MYO1D: variants seen among roughly 807,000 people sequenced by gnomAD.
The protein encoded by MYO1D is myosin ID, also known as unconventional myosin-Id.
Under a neutral mutation model 122.0 loss-of-function variants are expected in MYO1D, and 83 were observed. The ratio of observed to expected loss-of-function variants is 0.68; its 90% confidence interval spans 0.57 to 0.82. The LOEUF is 0.82. Among genes scored for constraint, MYO1D ranks in the 40% least tolerant of loss-of-function variants. MYO1D has a pLI of 0.00. For synonymous variants in MYO1D, 464 were observed against 446.9 expected, an observed-to-expected ratio of 1.04 and a Z score of -0.48; for missense variants, 1,157 against 1,269.5, an observed-to-expected ratio of 0.91 and a Z score of 1.35.
intron 21 of MYO1D, chr17:32,594,657 T>C: frequency 2.0e-6 from 1 of 503,988 alleles, no homozygotes; most frequent in African/African-American, 1.9e-5. Flanking sequence ...ACTGTTAATA[T>C]CTTCCTTTAT....
chr17:32,821,036 AC>A (rs2090656816), intron 1 of MYO1D, among the ~76,000 whole-genome samples: 1 of 151,886 alleles, frequency 6.6e-6, no homozygotes, highest in Non-Finnish European at 1.5e-5. Flanking sequence ...CTCACCTTCC[AC>A]CCGCTGATAG....
At chr17:32,609,723 G>A (rs2087675537) in intron 20 of MYO1D, among the ~76,000 whole-genome samples, 1 of 152,160 alleles carries the variant, frequency 6.6e-6, no homozygotes, top group South Asian at 2.1e-4. Flanking sequence ...ATTTTCATAG[G>A]AGGTGAGTTC....
At chr17:32,650,318 C>T (rs1306337935) in intron 19 of MYO1D, among the ~76,000 whole-genome samples, 1 of 152,094 alleles carries the variant, frequency 6.6e-6, no homozygotes, top group Non-Finnish European at 1.5e-5. Context: ...TCCTTCGTGT[C>T]TTTTTTCTCT....
chr17:32,783,901 CT>C (rs2090265823), intron 1 of MYO1D, among the ~76,000 whole-genome samples: 1 of 152,194 alleles, frequency 6.6e-6, no homozygotes, highest in Non-Finnish European at 1.5e-5. Flanking sequence ...CCTATGACTT[CT>C]GTGTGCAAAC....
chr17:32,581,485 T>C (rs145187879), intron 21 of MYO1D, among the ~76,000 whole-genome samples: 6 of 151,924 alleles, frequency 3.9e-5, no homozygotes, highest in East Asian at 1.9e-4. Flanking sequence ...CTTCCTTCCT[T>C]CCTCCCTCCC....
At chr17:32,700,129 G>C (rs1169343894) in intron 16 of MYO1D, among the ~76,000 whole-genome samples, 2 of 152,108 alleles carry the variant, frequency 1.3e-5, no homozygotes, top group African/African-American at 4.8e-5. Context: ...AATATATCAG[G>C]TCCTACAGAT....
chr17:32,569,437 C>T (rs225212), intron 21 of MYO1D, among the ~76,000 whole-genome samples: 66,314 of 152,036 alleles, frequency 0.44, 14,692 homozygotes, highest in East Asian at 0.53. Context: ...ACCAATTCTG[C>T]AATAGTATCT....
chr17:32,622,299 A>T (rs1294715988), intron 20 of MYO1D, among the ~76,000 whole-genome samples: 1 of 151,900 alleles, frequency 6.6e-6, no homozygotes, highest in Admixed American at 6.6e-5. Flanking sequence ...CAGCATCTTA[A>T]CTGCTTTTCC....
rs149928523 is a variant in MYO1D at position 32,575,047 on chromosome 17, A to G, written c.2864+30040T>C. Among the ~76,000 whole-genome samples, 744 of 152,338 alleles carry G rather than the reference A, an allele frequency of 4.9e-3. 6 individuals carry two copies. Among genetic ancestry groups the G allele is most frequent in the African/African-American group, 0.016 (679 of 41,570 alleles). On this transcript the variant is annotated intron_variant, in intron 21 of 21. Coordinates refer to ENST00000318217, the MANE Select transcript of MYO1D (RefSeq NM_015194.3). Reference sequence around the variant, plus strand: ...ATAATCGTGGGAGCTGATGGGAAGTATCGGAAGTATTATTGTTATTAATAA... The same window carrying G: ...ATAATCGTGGGAGCTGATGGGAAGTGTCGGAAGTATTATTGTTATTAATAA...
rs3079901 is a variant in MYO1D at position 32,688,920 on chromosome 17, AGTGTGT to A, written c.2121+23062_2121+23067del. 2.3e-3 allele frequency among the ~76,000 whole-genome samples: 337 copies of A among 146,558 alleles called. 5 individuals carry two copies. Among genetic ancestry groups the A allele is most frequent in the African/African-American group, 6.4e-3 (260 of 40,404 alleles). ...TGCATATGGTCTCTTTGATTTTTGA[AGTGTGT>A]GTGTGTGTGTGTGTGTGTGTGTATG... On this transcript the variant is annotated intron_variant, in intron 16 of 21. Coordinates refer to ENST00000318217, the MANE Select transcript of MYO1D (RefSeq NM_015194.3).
chr17:32,574,700 C>T (rs2087262692), intron 21 of MYO1D, among the ~76,000 whole-genome samples: 2 of 152,136 alleles, frequency 1.3e-5, no homozygotes, highest in Admixed American at 6.6e-5. Context: ...GCTCACTATA[C>T]AGATTGAGAA....
chr17:32,823,594 G>A (rs1402117171), intron 1 of MYO1D, among the ~76,000 whole-genome samples: 1 of 152,084 alleles, frequency 6.6e-6, no homozygotes, highest in African/African-American at 2.4e-5. Context: ...ATACACCTAG[G>A]AAAACTGATA....
chr17:32,634,448 G>A (rs963056540), intron 20 of MYO1D, among the ~76,000 whole-genome samples: 1 of 152,210 alleles, frequency 6.6e-6, no homozygotes, highest in African/African-American at 2.4e-5. Context: ...CATGGGAGAT[G>A]GCTGGTGTGC....
At chr17:32,565,922 G>A (rs1229055906) in intron 21 of MYO1D, among the ~76,000 whole-genome samples, 1 of 151,898 alleles carries the variant, frequency 6.6e-6, no homozygotes, top group Non-Finnish European at 1.5e-5. Flanking sequence ...ACAGGGTTTC[G>A]CCATGTTGGC....
chr17:32,765,162 T>C, intron 7 of MYO1D, 81 bp from the exon 8 acceptor site: 1 of 1,150,328 alleles, frequency 8.7e-7, no homozygotes, highest in Non-Finnish European at 1.3e-6. Flanking sequence ...ACAATTCAGG[T>C]GACCTTGTTT....
intron 11 of MYO1D, 134 bp downstream of exon 11, chr17:32,755,358 A>T: frequency 1.1e-6 from 1 of 923,706 alleles, no homozygotes; most frequent in Non-Finnish European, 1.6e-6. Flanking sequence ...CAAATCATTT[A>T]ATGAATGTTT....
intron 21 of MYO1D, among the ~76,000 whole-genome samples, chr17:32,590,103 A>G (rs1489454981): frequency 6.6e-6 from 1 of 152,146 alleles, no homozygotes; most frequent in Non-Finnish European, 1.5e-5. Context: ...TTATATTTTT[A>G]TACTTACTTC....
intron 16 of MYO1D, among the ~76,000 whole-genome samples, chr17:32,659,871 C>CAG (rs2150953919): frequency 6.6e-6 from 1 of 152,290 alleles, no homozygotes; most frequent in East Asian, 1.9e-4. Context: ...AAGGGTAAAT[C>CAG]AGATTACGTA....
At chr17:32,812,813 T>C (rs1409777198) in intron 1 of MYO1D, among the ~76,000 whole-genome samples, 1 of 152,196 alleles carries the variant, frequency 6.6e-6, no homozygotes, top group Non-Finnish European at 1.5e-5. Flanking sequence ...CTAAGTCACT[T>C]ACAAATAGGA....
Sources: gnomAD v4.1 joint callset for allele counts (sites outside exome capture counted in the v4.1 genomes callset) on GRCh38, gnomAD v4.1.1 for gene constraint, MANE v1.5 for transcripts, NCBI Gene and HGNC (gene_info 2026-07-23, HGNC 2026-07-21) for gene names.